Variants in SC5D observed in about 807,000 individuals in gnomAD.
SC5D encodes lathosterol oxidase.
Under a neutral mutation model 23.9 loss-of-function variants are expected in SC5D, and 21 were observed. The ratio of observed to expected loss-of-function variants is 0.88; its 90% CI spans 0.62 to 1.26. The LOEUF is 1.26. Ranked by LOEUF, SC5D falls within the 50% of genes most tolerant of loss-of-function variation. SC5D has a pLI of 0.00. For synonymous variants in SC5D, 113 were observed against 125.9 expected, an observed-to-expected ratio of 0.90 and a Z score of 0.68; for missense variants, 309 against 364.8, an observed-to-expected ratio of 0.85 and a Z score of 1.25.
chr11:121,303,380 A>T lies in SC5D; in HGVS notation c.5A>T (p.Asp2Val). 6.2e-7 allele frequency: 1 copy of T among 1,613,786 alleles called. No homozygotes were observed. The highest frequency in any genetic ancestry group is 1.6e-4 in the Middle Eastern group (1 of 6,062). MDLVLRVADYYF... is the reference protein window; with the variant it reads MVLVLRVADYYF... ...TTATTTTTTAGGGGCTAAGTGATGG[A>T]TCTTGTACTCCGTGTTGCAGATTAC... The change falls in exon 2 of 5, where the codon GAT becomes GTT. Residue 2 changes from aspartate (D) to valine (V), a missense_variant. By Grantham distance (152) the Asp-to-Val change is radical. Coordinates refer to ENST00000264027, the MANE Select transcript of SC5D (RefSeq NM_006918.5).
chr11:121,306,981 C>T (rs1565570208), intron 4 of SC5D, 76 bp from the exon 5 acceptor site: 3 of 1,218,240 alleles, frequency 2.5e-6, no homozygotes, highest in African/African-American at 1.5e-5. Flanking sequence ...TTGTTTCCAA[C>T]ATGAGTGTGA....
chr11:121,303,595 G>A lies in SC5D; in HGVS notation c.210+10G>A. 6.4e-7 allele frequency: 1 copy of A among 1,560,676 alleles called. No individual in the cohort carries two copies. The highest frequency in any genetic ancestry group is 1.1e-5 in the South Asian group (1 of 89,658). On this transcript the variant is annotated intron_variant, in intron 2 of 4. Transcript: ENST00000264027. ...TCCACAATTTTTAAAGGTAAGAAAT[G>A]TTTTTACCTATTTTCTAACGATTAA...
intron 3 of SC5D, chr11:121,305,392 G>T (rs1433710904): frequency 6.6e-6 from 1 of 151,532 alleles, no homozygotes; most frequent in Non-Finnish European, 1.5e-5. Context: ...TCTGAGACTT[G>T]GACTCAGGCT....
chr11:121,304,683 TG>T (rs1731842925), intron 3 of SC5D, 190 bp downstream of exon 3: 5 of 460,786 alleles, frequency 1.1e-5, no homozygotes, highest in African/African-American at 2.3e-5. Flanking sequence ...TCTATCAATC[TG>T]AAAGTCTGCT....
Position 121,311,854 on chromosome 11 carries a change from C to T in SC5D, c.*4342C>T, listed in dbSNP as rs149181033. Among the ~76,000 whole-genome samples the T allele has an allele frequency of 3.2e-3, 487 of 152,258 alleles. 2 individuals are homozygous for T. Among genetic ancestry groups the T allele is most frequent in the Middle Eastern group, 0.01 (3 of 294 alleles). ...TCTTTCTAGATTCAATGATTATTGT[C>T]ATTTTACCTCCATAGGCCCTCAATA... is the stretch of plus-strand genomic sequence containing the variant. On this transcript the variant is annotated 3_prime_UTR_variant, in exon 5 of 5. Transcript: ENST00000264027.
At chr11:121,296,654 A>G (rs1276304894) in intron 1 of SC5D, among the ~76,000 whole-genome samples, 5 of 152,158 alleles carry the variant, frequency 3.3e-5, no homozygotes, top group African/African-American at 7.2e-5. Context: ...TAGTTGCCCT[A>G]CCTTTAAGAC....
Position 121,303,553 on chromosome 11 carries a change from C to T in SC5D, c.178C>T (p.His60Tyr). ...ACTGAGCTATTATTTTGTCTTCGAT[C>T]ATGCATTAATGAAACATCCACAATT... is the stretch of plus-strand genomic sequence containing the variant. ...ATLSYYFVFDHALMKHPQFLK... is the reference protein window; with the variant it reads ...ATLSYYFVFDYALMKHPQFLK... Residue 60 changes from histidine to tyrosine, a missense_variant, in exon 2 of 5, where the codon CAT becomes TAT. Coordinates refer to ENST00000264027, the MANE Select transcript of SC5D (RefSeq NM_006918.5). 1 of 1,613,410 alleles carries T rather than the reference C, an allele frequency of 6.2e-7. No homozygotes were observed.
At chr11:121,304,191 T>A (rs1947945627) in intron 2 of SC5D, 170 bp from the exon 3 acceptor site, 2 of 609,998 alleles carry the variant, frequency 3.3e-6, no homozygotes, top group Non-Finnish European at 5.8e-6. Flanking sequence ...ACAAAAGGAA[T>A]GATTTTCTTA....
chr11:121,302,525 A>C (rs563362399), intron 1 of SC5D, among the ~76,000 whole-genome samples: 1 of 152,334 alleles, frequency 6.6e-6, no homozygotes, highest in East Asian at 1.9e-4. Flanking sequence ...AAGCATCTGA[A>C]ACAGGAGTTG....
At chr11:121,295,706 T>C (rs1947884069) in intron 1 of SC5D, among the ~76,000 whole-genome samples, 2 of 152,184 alleles carry the variant, frequency 1.3e-5, no homozygotes, top group Admixed American at 1.3e-4. Flanking sequence ...CCAAGATTTA[T>C]TTTCTGTTCA....
At chr11:121,300,548 A>G (rs1326270291) in intron 1 of SC5D, among the ~76,000 whole-genome samples, 2 of 152,238 alleles carry the variant, frequency 1.3e-5, no homozygotes, top group African/African-American at 4.8e-5. Flanking sequence ...TTTACACATA[A>G]CAGGTCTTAG....
rs1948024159 is a variant in SC5D at position 121,313,119 on chromosome 11, GC to G, written c.*5610del. Among the ~76,000 whole-genome samples, 1 of 152,136 alleles carries G rather than the reference GC, an allele frequency of 6.6e-6. No individual in the cohort carries two copies. Among genetic ancestry groups the G allele is most frequent in the South Asian group, 2.1e-4 (1 of 4,828 alleles). On this transcript the variant is annotated 3_prime_UTR_variant, in exon 5 of 5. Transcript: ENST00000264027. The stretch of plus-strand genomic sequence containing the variant: ...TCTCCGTTTGCAGTCATTCTCCCCA[GC>G]CCTAGGTCACCACTGATCCACCTTC...
chr11:121,304,484 T>C lies in SC5D; in HGVS notation c.334T>C (p.Phe112Leu). 6.2e-7 allele frequency: 1 copy of C among 1,613,500 alleles called. No individual in the cohort carries two copies. The highest frequency in any genetic ancestry group is 8.5e-7 in the Non-Finnish European group (1 of 1,179,600). ...CAAATTACATGATGACCTAGGAGAG[T>C]TTCCATATGGTAAGTAAATAACACG... ...YSKLHDDLGEFPYGLFELVVS... is the reference protein window; with the variant it reads ...YSKLHDDLGELPYGLFELVVS... The change falls in exon 3 of 5, where the codon TTT becomes CTT. Residue 112 changes from phenylalanine (F) to leucine (L), a missense_variant. Phe to Leu is a conservative substitution (Grantham distance 22). Coordinates refer to ENST00000264027, the MANE Select transcript of SC5D (RefSeq NM_006918.5).
At chr11:121,306,208 T>C (rs1947962791) in intron 3 of SC5D, 178 bp from the exon 4 acceptor site, 1 of 597,742 alleles carries the variant, frequency 1.7e-6, no homozygotes, top group South Asian at 1.9e-5. Flanking sequence ...AATGAGGAAA[T>C]GACCAGATTC....
At position 121,312,529 on chromosome 11, in the gene SC5D, C is replaced by G. The variant is rs939888844; in HGVS notation, c.*5017C>G. 6.6e-6 allele frequency among the ~76,000 whole-genome samples: 1 copy of G among 151,520 alleles called. No individual in the cohort carries two copies. The highest frequency in any genetic ancestry group is 2.4e-5 in the African/African-American group (1 of 40,902). On this transcript the variant is annotated 3_prime_UTR_variant, in exon 5 of 5. Transcript: ENST00000264027. ...ACTACCAAAAAAGCAGACTTGTGTA[C>G]TTGACAGATTTTTCTAAACACTTCA...
rs886047874 is a variant in SC5D, at chr11:121,312,530, T to C, written c.*5018T>C. ...CTACCAAAAAAGCAGACTTGTGTAC[T>C]TGACAGATTTTTCTAAACACTTCAC... On this transcript the variant is annotated 3_prime_UTR_variant, in exon 5 of 5. Coordinates refer to ENST00000264027, the MANE Select transcript of SC5D (RefSeq NM_006918.5). Among the ~76,000 whole-genome samples the C allele has an allele frequency of 8.6e-5, 13 of 151,614 alleles. No homozygotes were observed. Among genetic ancestry groups the C allele is most frequent in the African/African-American group, 3.2e-4 (13 of 40,938 alleles).
chr11:121,311,284 T>A lies in SC5D; in HGVS notation c.*3772T>A, dbSNP rs571718389. Among the ~76,000 whole-genome samples, 1 of 152,326 alleles carries A rather than the reference T, an allele frequency of 6.6e-6. No homozygotes were observed. The highest frequency in any genetic ancestry group is 6.5e-5 in the Admixed American group (1 of 15,304). ...TGCTAAGCACTGCACTAGGTAAAAA[T>A]TCTCTTCTGATGCTGTCTTTTTGGC... On this transcript the variant is annotated 3_prime_UTR_variant, in exon 5 of 5. Transcript: ENST00000264027.
chr11:121,293,670 C>G (rs1947868656), intron 1 of SC5D, among the ~76,000 whole-genome samples: 1 of 152,208 alleles, frequency 6.6e-6, no homozygotes, highest in African/African-American at 2.4e-5. Context: ...AGGAAACCCT[C>G]TGGAAGTTAT....
At position 121,309,767 on chromosome 11, in the gene SC5D, T is replaced by A. The variant is rs896713487; in HGVS notation, c.*2255T>A. Reference sequence around the variant, plus strand: ...GTTAAGTAGTCCTAACATTGTAATATACAGTACTGCCACATTCTCCTACTT... The same window carrying A: ...GTTAAGTAGTCCTAACATTGTAATAAACAGTACTGCCACATTCTCCTACTT... On this transcript the variant is annotated 3_prime_UTR_variant, in exon 5 of 5. Coordinates refer to ENST00000264027, the MANE Select transcript of SC5D (RefSeq NM_006918.5). 6.6e-6 allele frequency among the ~76,000 whole-genome samples: 1 copy of A among 152,220 alleles called. No individual in the cohort carries two copies. Among genetic ancestry groups the A allele is most frequent in the Admixed American group, 6.5e-5 (1 of 15,286 alleles).
Sources: allele counts gnomAD v4.1 joint callset (sites outside exome capture counted in the v4.1 genomes callset), GRCh38; gene constraint gnomAD v4.1.1; transcripts MANE v1.5; gene names NCBI Gene and HGNC (gene_info 2026-07-23, HGNC 2026-07-21).